Variants in HIVEP3 observed in about 807,000 individuals in gnomAD.
The protein encoded by HIVEP3 is HIVEP zinc finger 3.
A neutral mutation model predicts 152.8 loss-of-function variants in HIVEP3; 49 were observed. The ratio of observed to expected loss-of-function variants is 0.32; its 90% CI spans 0.26 to 0.41. HIVEP3 has a LOEUF of 0.41. HIVEP3 is among the 10% of genes least tolerant of loss of function. The pLI is 1.00. For missense variants in HIVEP3, 2,790 were observed against 3,103.3 expected, an observed-to-expected ratio of 0.90 and a Z score of 2.40; for synonymous variants, 1,269 against 1,289.0, an observed-to-expected ratio of 0.98 and a Z score of 0.33.
At chr1:41,772,864 C>A (rs1002772790) in intron 1 of HIVEP3, among the ~76,000 whole-genome samples, 1 of 152,102 alleles carries the variant, frequency 6.6e-6, no homozygotes, top group African/African-American at 2.4e-5. Context: ...CGAGATAGTG[C>A]CACTGCACTC....
At chr1:41,934,941 A>C (rs1378910010) in intron 1 of HIVEP3, among the ~76,000 whole-genome samples, 2 of 152,170 alleles carry the variant, frequency 1.3e-5, no homozygotes, top group African/African-American at 4.8e-5. Flanking sequence ...TAGTCCACTT[A>C]ATTTCAGAAT....
chr1:41,642,336 G>A (rs555907452), intron 2 of HIVEP3, among the ~76,000 whole-genome samples: 3 of 152,308 alleles, frequency 2.0e-5, no homozygotes, highest in African/African-American at 4.8e-5. Context: ...GCAAAGCCCC[G>A]CTCTTGCCAA....
intron 2 of HIVEP3, among the ~76,000 whole-genome samples, chr1:41,686,672 A>C (rs952151592): frequency 6.6e-6 from 1 of 152,196 alleles, no homozygotes; most frequent in African/African-American, 2.4e-5. Context: ...TGGTGAAGAC[A>C]GTATCAAGCC....
intron 1 of HIVEP3, among the ~76,000 whole-genome samples, chr1:41,906,558 G>C (rs958690918): frequency 1.3e-5 from 2 of 152,160 alleles, no homozygotes; most frequent in African/African-American, 4.8e-5. Context: ...AGTGTGACAG[G>C]CATGAAGAAA....
In HIVEP3 at chr1:41,993,298, T is replaced by G. The variant is rs533774799; in HGVS notation, n.119+42509A>C. On this transcript the variant is annotated intron_variant and non_coding_transcript_variant, in intron 1 of 3. Coordinates refer to the HIVEP3 transcript ENST00000489103. The stretch of plus-strand genomic sequence containing the variant: ...AATCTACAATGAACTCAAACAAATT[T>G]ACAAGAAAAAAACAAACAACCCCAT... Among the ~76,000 whole-genome samples, 19 of 150,918 alleles carry G rather than the reference T, an allele frequency of 1.3e-4. No individual in the cohort carries two copies. In the South Asian group the frequency reaches 1.5e-3, roughly 12 times the overall value.
intron 3 of HIVEP3, among the ~76,000 whole-genome samples, chr1:41,611,588 G>A (rs1209572823): frequency 3.3e-5 from 5 of 152,226 alleles, no homozygotes; most frequent in Non-Finnish European, 7.3e-5. Flanking sequence ...GCAAGCCAAG[G>A]CAGGCAGGGG....
intron 2 of HIVEP3, among the ~76,000 whole-genome samples, chr1:41,632,773 TA>T (rs988170548): frequency 1.3e-5 from 2 of 149,718 alleles, no homozygotes; most frequent in South Asian, 2.1e-4. Flanking sequence ...AAAAAAAGAA[TA>T]AAAAAAAGAT....
chr1:41,999,347 A>T (rs563140281), intron 1 of HIVEP3, among the ~76,000 whole-genome samples: 21 of 152,338 alleles, frequency 1.4e-4, no homozygotes, highest in African/African-American at 5.1e-4. Context: ...AAAGGCAATT[A>T]GAATTGGAGA....
At chr1:41,895,637 A>C (rs1263485781) in intron 1 of HIVEP3, among the ~76,000 whole-genome samples, 1 of 152,014 alleles carries the variant, frequency 6.6e-6, no homozygotes. Flanking sequence ...GTGTAACTGG[A>C]CCCCCCGCAG....
intron 1 of HIVEP3, among the ~76,000 whole-genome samples, chr1:41,867,260 G>A (rs1643994251): frequency 6.6e-6 from 1 of 152,190 alleles, no homozygotes; most frequent in Non-Finnish European, 1.5e-5. Context: ...TGGCCATCAT[G>A]TGCCTACAGC....
intron 1 of HIVEP3, among the ~76,000 whole-genome samples, chr1:41,903,780 G>T (rs895394948): frequency 1.3e-5 from 1 of 74,304 alleles, no homozygotes; most frequent in Non-Finnish European, 2.5e-5. Context: ...ACACATGCTT[G>T]CCTCTTAAAA....
rs551613205 is a variant in HIVEP3 at position 41,712,641 on chromosome 1, G to A, written c.-800-11646C>T. ...CTTCTGAGTGAAGAGGGAAACCAGC[G>A]TCCTGAGCTGACCTGCCTCAGGGGT... is the stretch of plus-strand genomic sequence containing the variant. On this transcript the variant is annotated intron_variant, in intron 1 of 8. Coordinates refer to ENST00000372583, the MANE Select transcript of HIVEP3 (RefSeq NM_024503.5). Among the ~76,000 whole-genome samples, 281 of 152,308 alleles carry A rather than the reference G, an allele frequency of 1.8e-3. 1 individual carries two copies. Among genetic ancestry groups the A allele is most frequent in the South Asian group, 3.5e-3 (17 of 4,828 alleles).
At chr1:41,528,832 T>G (rs1246136261) in intron 5 of HIVEP3, among the ~76,000 whole-genome samples, 1 of 75,802 alleles carries the variant, frequency 1.3e-5, no homozygotes, top group African/African-American at 5.4e-5. Flanking sequence ...CTTCACACTT[T>G]CACACACCCC....
chr1:41,930,651 T>C (rs1644992028), intron 1 of HIVEP3, among the ~76,000 whole-genome samples: 1 of 152,172 alleles, frequency 6.6e-6, no homozygotes, highest in Non-Finnish European at 1.5e-5. Flanking sequence ...TGCCGGGTCA[T>C]ATAATAAGTA....
At chr1:41,743,221 A>G (rs1375984595) in intron 1 of HIVEP3, among the ~76,000 whole-genome samples, 3 of 152,118 alleles carry the variant, frequency 2.0e-5, no homozygotes, top group South Asian at 2.1e-4. Context: ...ACAACAAAAA[A>G]CTTTCCCCTC....
At chr1:41,732,067 G>T (rs1646847920) in intron 1 of HIVEP3, among the ~76,000 whole-genome samples, 1 of 152,192 alleles carries the variant, frequency 6.6e-6, no homozygotes, top group South Asian at 2.1e-4. Flanking sequence ...GGAAGGCTGT[G>T]GCATGTGGTG....
intron 1 of HIVEP3, among the ~76,000 whole-genome samples, chr1:41,965,863 T>G (rs766335324): frequency 6.6e-6 from 1 of 152,114 alleles, no homozygotes; most frequent in Non-Finnish European, 1.5e-5. Flanking sequence ...ACATTCAAAT[T>G]CAGGAAATCC....
intron 3 of HIVEP3, among the ~76,000 whole-genome samples, chr1:41,598,522 A>T (rs1427558126): frequency 1.3e-5 from 2 of 152,248 alleles, no homozygotes; most frequent in African/African-American, 4.8e-5. Context: ...GGCTTCTGTC[A>T]TTCTTGCCCA....
chr1:41,771,858 G>C (rs1648393805), intron 1 of HIVEP3, among the ~76,000 whole-genome samples: 1 of 152,020 alleles, frequency 6.6e-6, no homozygotes, highest in African/African-American at 2.4e-5. Context: ...GTAGAGATGG[G>C]GTTTCACCGT....
Sources: allele counts gnomAD v4.1 joint callset (sites outside exome capture counted in the v4.1 genomes callset), GRCh38; gene constraint gnomAD v4.1.1; transcripts MANE v1.5; gene names NCBI Gene and HGNC (gene_info 2026-07-23, HGNC 2026-07-21).